Variants in CNST observed in about 807,000 individuals in gnomAD.
The protein encoded by CNST is consortin.
In CNST, 39 loss-of-function variants were observed where a neutral mutation model predicts 72.4. The observed-to-expected ratio is 0.54, with a 90% confidence interval of 0.42 to 0.70. The LOEUF (loss-of-function observed/expected upper bound fraction) is 0.70, where lower values mean the gene tolerates loss of function less well. CNST is among the 30% of genes least tolerant of loss of function. The probability of loss-of-function intolerance (pLI) is 0.00; values close to 1 mark genes in which losing one functional copy is unlikely to be tolerated. For missense variants in CNST, 871 were observed against 868.5 expected, an observed-to-expected ratio of 1.00 and a Z score of -0.04; for synonymous variants, 332 against 320.1, an observed-to-expected ratio of 1.04 and a Z score of -0.40.
chr1:246,569,533 C>G (rs768098544), intron 1 of CNST, among the ~76,000 whole-genome samples: 2 of 152,144 alleles, frequency 1.3e-5, no homozygotes, highest in African/African-American at 2.4e-5. Flanking sequence ...TGAGAAGTTT[C>G]TATGCAGGAA....
intron 1 of CNST, 113 bp downstream of exon 1, chr1:246,566,776 C>A (rs1038582186): frequency 1.8e-5 from 7 of 398,348 alleles, no homozygotes; most frequent in African/African-American, 1.4e-4. Context: ...AGCCGCGCAG[C>A]CTCTGCCCTC....
intron 2 of CNST, among the ~76,000 whole-genome samples, chr1:246,614,951 G>A (rs1307874191): frequency 2.0e-5 from 3 of 152,082 alleles, no homozygotes; most frequent in Admixed American, 6.6e-5. Context: ...TAAAAGGAAC[G>A]TGAATGTCAG....
intron 6 of CNST, among the ~76,000 whole-genome samples, chr1:246,635,705 C>A (rs1665172313): frequency 6.6e-6 from 1 of 152,174 alleles, no homozygotes. Flanking sequence ...TAGTGATTAT[C>A]TCTAGAGCAG....
At chr1:246,619,978 T>C (rs1220580097) in intron 2 of CNST, among the ~76,000 whole-genome samples, 4 of 63,552 alleles carry the variant, frequency 6.3e-5, no homozygotes. Context: ...CACGATGGGC[T>C]CTGGGAACAC....
chr1:246,618,501 C>T (rs1020208819), intron 2 of CNST, among the ~76,000 whole-genome samples: 12 of 152,146 alleles, frequency 7.9e-5, no homozygotes, highest in African/African-American at 2.4e-4. Flanking sequence ...GTTTTGCTAA[C>T]GTCTTCAGTG....
chr1:246,612,016 T>C lies in CNST; in HGVS notation c.380-9413T>C, dbSNP rs1362859039. On this transcript the variant is annotated intron_variant, in intron 2 of 10. Coordinates refer to ENST00000366513, the MANE Select transcript of CNST (RefSeq NM_152609.3). ...CAGACACAAAAGGACAAATATTTTA[T>C]GATTCCACTTATATAAGCTATGTAG... Among the ~76,000 whole-genome samples the C allele has an allele frequency of 2.0e-5, 3 of 152,212 alleles. No individual in the cohort carries two copies. In the East Asian group the frequency reaches 5.8e-4, roughly 29 times the overall value.
In CNST at chr1:246,666,834, G is replaced by C. The variant is rs138704055; in HGVS notation, c.*929G>C. 1 of 152,336 alleles carries C rather than the reference G, an allele frequency of 6.6e-6. No homozygotes were observed. The highest frequency in any genetic ancestry group is 1.9e-4 in the East Asian group (1 of 5,196). 9.4% of individuals were successfully genotyped at this position (152,336 alleles called of 1,614,324 possible). A position where few individuals can be genotyped will look rare whatever the true frequency, so the allele number is the denominator to read the frequency against. On this transcript the variant is annotated 3_prime_UTR_variant, in exon 11 of 11. Transcript: ENST00000366513. Reference sequence around the variant, plus strand: ...ACTTAAGTAAGATACAGTTCCCACTGTAGGTGTTTTAATCCTGGTCTTATA... The same window carrying C: ...ACTTAAGTAAGATACAGTTCCCACTCTAGGTGTTTTAATCCTGGTCTTATA...
chr1:246,605,687 TAGGTGTCTTCCG>T (rs2103046959), intron 2 of CNST, among the ~76,000 whole-genome samples: 3 of 138,936 alleles, frequency 2.2e-5, no homozygotes, highest in African/African-American at 2.6e-5. Flanking sequence ...CCGGCCGGGG[TAGGTGTCTTCCG>T]GCCGGGGTAG....
intron 9 of CNST, among the ~76,000 whole-genome samples, chr1:246,658,606 C>G (rs570196387): frequency 5.3e-5 from 8 of 152,076 alleles, no homozygotes; most frequent in Admixed American, 3.9e-4. Context: ...TTATGCATAG[C>G]GCATTATCGA....
intron 2 of CNST, among the ~76,000 whole-genome samples, chr1:246,614,098 T>C (rs1300028942): frequency 1.3e-5 from 2 of 152,078 alleles, no homozygotes; most frequent in African/African-American, 4.8e-5. Flanking sequence ...CCAAAATGCT[T>C]GAGATTGGAA....
At chr1:246,592,895 C>T (rs774916472) in intron 2 of CNST, among the ~76,000 whole-genome samples, 11 of 152,070 alleles carry the variant, frequency 7.2e-5, no homozygotes, top group Non-Finnish European at 1.6e-4. Context: ...ATCACAGGGC[C>T]CCCTTGGGAA....
intron 3 of CNST, among the ~76,000 whole-genome samples, chr1:246,626,725 G>A (rs1664463063): frequency 6.6e-6 from 1 of 152,028 alleles, no homozygotes; most frequent in South Asian, 2.1e-4. Context: ...CCAAAGTGCT[G>A]GGATTACAGG....
At chr1:246,610,893 C>T (rs912909723) in intron 2 of CNST, among the ~76,000 whole-genome samples, 1 of 152,122 alleles carries the variant, frequency 6.6e-6, no homozygotes, top group Non-Finnish European at 1.5e-5. Flanking sequence ...GGCTTTTCCC[C>T]CTGGCTTTAG....
chr1:246,611,350 A>G (rs775655850), intron 2 of CNST, among the ~76,000 whole-genome samples: 17 of 151,272 alleles, frequency 1.1e-4, no homozygotes, highest in South Asian at 4.1e-4. Flanking sequence ...TTTTTTTTTA[A>G]AATATTTCTG....
intron 4 of CNST, chr1:246,632,425 C>T (rs1406558200): frequency 4.8e-6 from 1 of 209,634 alleles, no homozygotes; most frequent in Non-Finnish European, 9.8e-6. Flanking sequence ...TTGGATAATG[C>T]AGTAAGGGAC....
At chr1:246,568,701 C>G (rs1007563584) in intron 1 of CNST, among the ~76,000 whole-genome samples, 1 of 152,118 alleles carries the variant, frequency 6.6e-6, no homozygotes, top group Non-Finnish European at 1.5e-5. Context: ...TTCAGCCTCC[C>G]GAGTAGCTGG....
At position 246,665,791 on chromosome 1, in the gene CNST, T is replaced by C; in HGVS notation, c.2064T>C (p.Thr688=). The C allele has an allele frequency of 1.2e-6, 2 of 1,613,988 alleles. No homozygotes were observed. Among genetic ancestry groups the C allele is most frequent in the Non-Finnish European group, 1.7e-6 (2 of 1,179,900 alleles). ...TTGGAGGAACTGCATTATACTGCAC[T>C]TTCGGTGACATGGAGTCACCTGTTT... is the stretch of plus-strand genomic sequence containing the variant. The part of the protein sequence containing the change: ...LSVGGTALYC[T]FGDMESPVCT... Residue 688 remains threonine (T), a synonymous_variant, in exon 11 of 11, where the codon ACT becomes ACC. Coordinates refer to ENST00000366513, the MANE Select transcript of CNST (RefSeq NM_152609.3).
At position 246,591,643 on chromosome 1, in the gene CNST, G is replaced by C. The variant is rs1181243607; in HGVS notation, c.81G>C (p.Arg27Ser). ...DGCHPGDSVE[R>S]SVTCLPSASD... ...GTCATCCTGGTGACAGCGTGGAAAGGAGTGTGACCTGTCTGCCTTCTGCAT... is the reference window on the plus strand; with the variant it reads ...GTCATCCTGGTGACAGCGTGGAAAGCAGTGTGACCTGTCTGCCTTCTGCAT... Residue 27 changes from arginine to serine, a missense_variant, in exon 2 of 11, where the codon AGG (arginine) becomes AGC (serine). Coordinates refer to ENST00000366513, the MANE Select transcript of CNST (RefSeq NM_152609.3). 6.2e-7 allele frequency: 1 copy of C among 1,614,236 alleles called. No individual in the cohort carries two copies.
chr1:246,576,985 G>GT (rs1300869258), intron 1 of CNST, among the ~76,000 whole-genome samples: 1 of 151,926 alleles, frequency 6.6e-6, no homozygotes, highest in Non-Finnish European at 1.5e-5. Flanking sequence ...ATTCTAACAT[G>GT]TTTTTACCTT....
Sources: allele counts gnomAD v4.1 joint callset (sites outside exome capture counted in the v4.1 genomes callset), GRCh38; gene constraint gnomAD v4.1.1; transcripts MANE v1.5; gene names NCBI Gene and HGNC (gene_info 2026-07-23, HGNC 2026-07-21).